DENND2B: variants seen among roughly 807,000 people sequenced by gnomAD.
DENND2B encodes the protein DENN domain-containing protein 2B.
In DENND2B, 32 loss-of-function variants were observed where a neutral mutation model predicts 116.0. That is an observed-to-expected ratio of 0.28 (90% CI 0.21 to 0.37). The LOEUF (loss-of-function observed/expected upper bound fraction) is 0.37. DENND2B is among the 10% of genes least tolerant of loss of function. DENND2B has a pLI of 1.00. For synonymous variants in DENND2B, 588 were observed against 583.9 expected, an observed-to-expected ratio of 1.01 and a Z score of -0.10; for missense variants, 1,276 against 1,477.7, an observed-to-expected ratio of 0.86 and a Z score of 2.24.
intron 4 of DENND2B, among the ~76,000 whole-genome samples, chr11:8,828,396 G>A (rs940710067): frequency 6.6e-6 from 1 of 152,182 alleles, no homozygotes; most frequent in Non-Finnish European, 1.5e-5. Flanking sequence ...CCCCCAGGAT[G>A]CAGCACTTCT....
chr11:8,745,114 A>C (rs1335791978), intron 2 of DENND2B, among the ~76,000 whole-genome samples: 3 of 151,874 alleles, frequency 2.0e-5, no homozygotes, highest in Admixed American at 2.0e-4. Context: ...AGGGGGTTTC[A>C]CTATGTTGTT....
intron 17 of DENND2B, among the ~76,000 whole-genome samples, chr11:8,697,252 G>C (rs1305895534): frequency 6.6e-6 from 1 of 152,268 alleles, no homozygotes; most frequent in Non-Finnish European, 1.5e-5. Context: ...GGAAGAGGAA[G>C]TGCCTTTCAT....
At chr11:8,877,265 AG>A (rs1488322867) in intron 2 of DENND2B, among the ~76,000 whole-genome samples, 1 of 151,662 alleles carries the variant, frequency 6.6e-6, no homozygotes, top group Non-Finnish European at 1.5e-5. Flanking sequence ...CACCATGCCC[AG>A]CTAATTTTTT....
chr11:8,781,492 T>C (rs1593603071), intron 1 of DENND2B, among the ~76,000 whole-genome samples: 1 of 152,246 alleles, frequency 6.6e-6, no homozygotes, highest in East Asian at 1.9e-4. Flanking sequence ...TTTTTGTCTA[T>C]TACACTGGGC....
intron 1 of DENND2B, among the ~76,000 whole-genome samples, chr11:8,890,931 C>T (rs570495494): frequency 6.6e-6 from 1 of 152,126 alleles, no homozygotes; most frequent in Non-Finnish European, 1.5e-5. Context: ...CTCCAAGACA[C>T]ATAATTGTCA....
intron 1 of DENND2B, among the ~76,000 whole-genome samples, chr11:8,891,534 G>C (rs192297432): frequency 0.013 from 1,925 of 152,216 alleles, 49 homozygotes; most frequent in African/African-American, 0.045. Context: ...CAACATAAAG[G>C]GATGGAGGAA....
At chr11:8,767,269 GA>G (rs1322075375) in intron 1 of DENND2B, among the ~76,000 whole-genome samples, 1 of 152,204 alleles carries the variant, frequency 6.6e-6, no homozygotes, top group African/African-American at 2.4e-5. Context: ...AAGGAACTGA[GA>G]ATGTTTACCC....
chr11:8,776,782 T>C (rs573895662), intron 1 of DENND2B: 1 of 157,048 alleles, frequency 6.4e-6, no homozygotes, highest in South Asian at 1.9e-4. Flanking sequence ...CCTCATTCAA[T>C]AATAGCCATG....
intron 4 of DENND2B, among the ~76,000 whole-genome samples, chr11:8,723,288 G>A: frequency 6.6e-6 from 1 of 152,206 alleles, no homozygotes; most frequent in Non-Finnish European, 1.5e-5. Flanking sequence ...GATTTCCTGT[G>A]GGGATACGTT....
chr11:8,794,780 CA>C (rs2059672142), intron 1 of DENND2B: 1 of 152,290 alleles, frequency 6.6e-6, no homozygotes, highest in Non-Finnish European at 1.5e-5. Flanking sequence ...GCTCAGGCAG[CA>C]ACAAGGAGAA....
intron 1 of DENND2B, among the ~76,000 whole-genome samples, chr11:8,899,948 T>G (rs1197934553): frequency 2.0e-5 from 3 of 152,190 alleles, no homozygotes; most frequent in Non-Finnish European, 4.4e-5. Context: ...GATATGGAGT[T>G]ATATTGGACA....
intron 1 of DENND2B, among the ~76,000 whole-genome samples, chr11:8,891,553 A>G (rs2064033455): frequency 6.6e-6 from 1 of 152,212 alleles, no homozygotes; most frequent in African/African-American, 2.4e-5. Context: ...AAGATCTACC[A>G]AGCAAATGGA....
At chr11:8,784,837 CA>C (rs112292066) in intron 1 of DENND2B, among the ~76,000 whole-genome samples, 2,651 of 128,430 alleles carry the variant, frequency 0.021, 69 homozygotes, top group African/African-American at 0.063. Flanking sequence ...GACTCCTTCT[CA>C]AAAAAAAAAA....
chr11:8,749,655 AC>A (rs2051984152), intron 2 of DENND2B, among the ~76,000 whole-genome samples: 2 of 152,114 alleles, frequency 1.3e-5, no homozygotes, highest in Admixed American at 6.5e-5. Context: ...CTCTGACCAG[AC>A]CCTATTGGAC....
intron 1 of DENND2B, among the ~76,000 whole-genome samples, chr11:8,886,878 G>C (rs148873931): frequency 0.021 from 3,151 of 152,190 alleles, 45 homozygotes; most frequent in Middle Eastern, 0.034. Flanking sequence ...GCCCAGGCTG[G>C]AGTGCAATGG....
intron 16 of DENND2B, 108 bp from the exon 17 acceptor site, chr11:8,697,744 A>T: frequency 1.4e-6 from 1 of 737,744 alleles, no homozygotes; most frequent in Non-Finnish European, 2.4e-6. Context: ...TATCTCTCCC[A>T]GTAACCCTCA....
upstream of DENND2B, among the ~76,000 whole-genome samples, chr11:8,815,602 T>C (rs1403178909): frequency 6.6e-6 from 1 of 152,244 alleles, no homozygotes; most frequent in African/African-American, 2.4e-5. Flanking sequence ...AAAATCTTAC[T>C]GCCTTCAAGG....
rs754333144 is a variant in DENND2B, at chr11:8,707,870, G to T, written c.2353-16C>A. On this transcript the variant is annotated splice_polypyrimidine_tract_variant and intron_variant, in intron 11 of 19. Transcript: ENST00000313726. The surrounding 1 kb of genome is among the most constrained non-coding windows in gnomAD (Gnocchi z 4.8). ...TCCCACTTGGCTGGGCCAGGACAAG[G>T]AGGAGGAGGAGAGAGACAGACACAG... is the stretch of plus-strand genomic sequence containing the variant. 2.0e-5 allele frequency: 31 copies of T among 1,584,972 alleles called. No individual in the cohort carries two copies. In the Admixed American group the frequency reaches 5.3e-4, roughly 27 times the overall value.
intron 1 of DENND2B, among the ~76,000 whole-genome samples, chr11:8,800,221 T>C (rs2060198049): frequency 6.6e-6 from 1 of 152,158 alleles, no homozygotes; most frequent in Admixed American, 6.6e-5. Context: ...CCCAAAGTGT[T>C]AGGATTATAA....
Sources: allele counts gnomAD v4.1 joint callset (sites outside exome capture counted in the v4.1 genomes callset), GRCh38; gene constraint gnomAD v4.1.1; non-coding constraint Gnocchi (gnomAD v3.1); transcripts MANE v1.5; gene names NCBI Gene and HGNC (gene_info 2026-07-23, HGNC 2026-07-21).